PACRG: variants seen among roughly 807,000 people sequenced by gnomAD.
PACRG encodes parkin coregulated, also known as parkin coregulated gene protein.
PACRG carries 29 observed loss-of-function variants against 29.7 expected under a neutral mutation model. The ratio of observed to expected loss-of-function variants is 0.98; its 90% CI spans 0.73 to 1.33. The LOEUF (loss-of-function observed/expected upper bound fraction) is 1.33. Among genes scored for constraint, PACRG ranks in the 40% most tolerant of loss-of-function variants. The pLI, the probability that PACRG is intolerant of heterozygous loss-of-function variation, is 0.00. For missense variants in PACRG, 279 were observed against 316.2 expected (o/e 0.88, Z 0.89); for synonymous variants, 116 against 118.7 (o/e 0.98, Z 0.15).
chr6:163,053,266 A>C (rs1377112727), intron 2 of PACRG, among the ~76,000 whole-genome samples: 5 of 152,202 alleles, frequency 3.3e-5, no homozygotes, highest in Non-Finnish European at 7.4e-5. Context: ...AACTCTTAGG[A>C]ATAGCAGTCA....
chr6:162,901,913 G>A (rs1795586982), intron 2 of PACRG, among the ~76,000 whole-genome samples: 1 of 152,204 alleles, frequency 6.6e-6, no homozygotes, highest in Non-Finnish European at 1.5e-5. Context: ...TCCTTCCAAG[G>A]TCATTACTTG....
chr6:163,267,264 A>C (rs145597059), intron 4 of PACRG, among the ~76,000 whole-genome samples: 63 of 152,292 alleles, frequency 4.1e-4, no homozygotes, highest in African/African-American at 1.4e-3. Context: ...CAGTCCCATC[A>C]GTGACGAGTC....
intron 1 of PACRG, among the ~76,000 whole-genome samples, chr6:162,805,086 G>A (rs1486503225): frequency 1.3e-5 from 2 of 152,058 alleles, no homozygotes; most frequent in African/African-American, 4.8e-5. Flanking sequence ...GAAAAGGTAT[G>A]GTAAAAATAT....
intron 3 of PACRG, among the ~76,000 whole-genome samples, chr6:163,063,307 G>A (rs996126519): frequency 3.3e-5 from 5 of 152,026 alleles, no homozygotes; most frequent in Non-Finnish European, 5.9e-5. Context: ...GGCTTCGAGG[G>A]GTGAGGAGGC....
At chr6:162,838,120 T>C (rs970220993) in intron 2 of PACRG, among the ~76,000 whole-genome samples, 1 of 152,204 alleles carries the variant, frequency 6.6e-6, no homozygotes, top group Non-Finnish European at 1.5e-5. Flanking sequence ...GTTGACTTAT[T>C]ATTACATATC....
intron 1 of PACRG, among the ~76,000 whole-genome samples, chr6:162,794,918 A>G (rs372158820): frequency 6.6e-6 from 1 of 152,148 alleles, no homozygotes; most frequent in Non-Finnish European, 1.5e-5. Flanking sequence ...AATGAATACT[A>G]TGGAAAAAAG....
At chr6:163,092,935 G>A (rs1203363430) in intron 4 of PACRG, among the ~76,000 whole-genome samples, 2 of 152,196 alleles carry the variant, frequency 1.3e-5, no homozygotes, top group African/African-American at 4.8e-5. Flanking sequence ...GTGACCTGTC[G>A]CTTGGCCCTC....
intron 4 of PACRG, among the ~76,000 whole-genome samples, chr6:163,198,308 TCA>T (rs150251697): frequency 0.038 from 5,774 of 152,314 alleles, 321 homozygotes; most frequent in African/African-American, 0.13. Flanking sequence ...TAAAAAATAT[TCA>T]GAGTTTGATT....
intron 4 of PACRG, among the ~76,000 whole-genome samples, chr6:163,271,564 C>A (rs925517913): frequency 2.0e-5 from 3 of 152,132 alleles, no homozygotes; most frequent in African/African-American, 7.2e-5. Context: ...AGGTATGAAT[C>A]CAAATCATAA....
intron 2 of PACRG, among the ~76,000 whole-genome samples, chr6:162,848,012 G>T (rs1790551595): frequency 6.6e-6 from 1 of 152,226 alleles, no homozygotes; most frequent in Non-Finnish European, 1.5e-5. Context: ...CCCCCAAGTT[G>T]CTCCTTAGTG....
chr6:163,071,507 C>T (rs1194964936), intron 3 of PACRG, among the ~76,000 whole-genome samples: 1 of 151,714 alleles, frequency 6.6e-6, no homozygotes, highest in African/African-American at 2.4e-5. Context: ...AATGGATACA[C>T]AACATGCAGC....
chr6:162,887,492 A>G (rs1404012979), intron 2 of PACRG, among the ~76,000 whole-genome samples: 1 of 152,150 alleles, frequency 6.6e-6, no homozygotes, highest in African/African-American at 2.4e-5. Flanking sequence ...ATGTTTTGGT[A>G]TCGTATTGCA....
chr6:163,061,524 G>A (rs928037323), intron 2 of PACRG, among the ~76,000 whole-genome samples: 1 of 152,144 alleles, frequency 6.6e-6, no homozygotes, highest in Non-Finnish European at 1.5e-5. Context: ...AGGGAGGTTG[G>A]GATGTTTTGA....
intron 2 of PACRG, among the ~76,000 whole-genome samples, chr6:162,896,839 A>G (rs890328893): frequency 1.3e-5 from 2 of 152,252 alleles, no homozygotes; most frequent in African/African-American, 2.4e-5. Context: ...CAAACAGCAC[A>G]TGTGTCATTC....
chr6:163,126,393 C>A (rs1406548319), intron 4 of PACRG, among the ~76,000 whole-genome samples: 1 of 152,152 alleles, frequency 6.6e-6, no homozygotes, highest in Non-Finnish European at 1.5e-5. Flanking sequence ...GATGAGCCTT[C>A]CCACTTCTGT....
intron 4 of PACRG, among the ~76,000 whole-genome samples, chr6:163,288,401 A>T (rs912951560): frequency 3.9e-5 from 6 of 152,190 alleles, no homozygotes; most frequent in Non-Finnish European, 7.4e-5. Flanking sequence ...ATACTTTGGG[A>T]CTTACCTGTT....
At chr6:163,078,479 A>G (rs1812753512) in intron 3 of PACRG, among the ~76,000 whole-genome samples, 1 of 146,694 alleles carries the variant, frequency 6.8e-6, no homozygotes, top group Admixed American at 6.8e-5. Context: ...GGGCAACAAG[A>G]GCAAAATTTA....
intron 2 of PACRG, among the ~76,000 whole-genome samples, chr6:162,845,256 C>T (rs1790259625): frequency 6.6e-6 from 1 of 152,080 alleles, no homozygotes; most frequent in Non-Finnish European, 1.5e-5. Context: ...CCCACTGACC[C>T]CATTGTATAT....
intron 4 of PACRG, among the ~76,000 whole-genome samples, chr6:163,095,068 G>A (rs531057337): frequency 3.3e-5 from 5 of 152,144 alleles, no homozygotes; most frequent in Non-Finnish European, 5.9e-5. Flanking sequence ...AGCGATCTAA[G>A]TGAGAGGGCA....
Sources: gnomAD v4.1 joint callset for allele counts (sites outside exome capture counted in the v4.1 genomes callset) on GRCh38, gnomAD v4.1.1 for gene constraint, MANE v1.5 for transcripts, NCBI Gene and HGNC (gene_info 2026-07-23, HGNC 2026-07-21) for gene names.